UBQLN3: variants seen among roughly 807,000 people sequenced by gnomAD.
UBQLN3 encodes ubiquilin-3.
UBQLN3 carries 1 observed loss-of-function variant against 2.9 expected under a neutral mutation model. The observed-to-expected ratio is 0.35, with a 90% CI of 0.12 to 1.66. The LOEUF (loss-of-function observed/expected upper bound fraction) is 1.66. Among genes scored for constraint, UBQLN3 ranks in the 40% most tolerant of loss-of-function variants. UBQLN3 has a pLI of 0.35. For synonymous variants in UBQLN3, 358 were observed against 317.6 expected, an observed-to-expected ratio of 1.13 and a Z score of -1.35; for missense variants, 924 against 816.5, an observed-to-expected ratio of 1.13 and a Z score of -1.61.
At position 5,508,988 on chromosome 11, in the gene UBQLN3, C is replaced by A; in HGVS notation, c.571G>T (p.Val191Phe). The change falls in exon 2 of 2, where the codon GTT becomes TTT. Residue 191 changes from valine to phenylalanine, a missense_variant. Transcript: ENST00000311659. The surrounding 1 kb of genome is among the most constrained non-coding windows in gnomAD (Gnocchi z 4.2). ...TGCTGCATATGGGGGTTGTCAAGAA[C>A]CAGCTGGCGTACTAGGCCTGTGTTG... ...LSNTGLVRQL[V>F]LDNPHMQQLI... 6.2e-7 allele frequency: 1 copy of A among 1,614,118 alleles called. No individual in the cohort carries two copies. Among genetic ancestry groups the A allele is most frequent in the East Asian group, 2.2e-5 (1 of 44,878 alleles).
Position 5,508,003 on chromosome 11 carries a change from C to T in UBQLN3, c.1556G>A (p.Arg519His), listed in dbSNP as rs187757715. ...AATCTGCCGCAGGGCTTGCAGGGCA[C>T]GGGGGTTTGCCATGGCTGCCTGAAG... ...MHLQAAMANP[R>H]ALQALRQIEQ... The change falls in exon 2 of 2, where the codon CGT becomes CAT. Residue 519 changes from arginine to histidine, a missense_variant. Coordinates refer to ENST00000311659, the MANE Select transcript of UBQLN3 (RefSeq NM_017481.4). The surrounding 1 kb of genome is among the most constrained non-coding windows in gnomAD (Gnocchi z 4.2). 4.8e-5 allele frequency: 78 copies of T among 1,614,040 alleles called. No homozygotes were observed. The highest frequency in any genetic ancestry group is 1.9e-4 in the South Asian group (17 of 91,086).
In UBQLN3 at chr11:5,507,782, G is replaced by A. The variant is rs756923573; in HGVS notation, c.1777C>T (p.Pro593Ser). The part of the protein sequence containing the change: ...LDSAELGFLS[P>S]PFLHMLQDLV... Reference sequence around the variant, plus strand: ...TCTTGCAGCATATGGAGAAAGGGAGGGGAAAGGAAGCCCAGCTCTGCAGAG... The same window carrying A: ...TCTTGCAGCATATGGAGAAAGGGAGAGGAAAGGAAGCCCAGCTCTGCAGAG... Residue 593 changes from proline to serine, a missense_variant, in exon 2 of 2, where the codon CCT becomes TCT. Coordinates refer to ENST00000311659, the MANE Select transcript of UBQLN3 (RefSeq NM_017481.4). The A allele has an allele frequency of 1.2e-6, 2 of 1,614,052 alleles. No individual in the cohort carries two copies. The highest frequency in any genetic ancestry group is 8.5e-7 in the Non-Finnish European group (1 of 1,179,984).
chr11:5,509,600 G>C lies in UBQLN3; in HGVS notation c.-36-6C>G. The C allele has an allele frequency of 6.3e-7, 1 of 1,577,892 alleles. No individual in the cohort carries two copies. The highest frequency in any genetic ancestry group is 8.6e-7 in the Non-Finnish European group (1 of 1,165,088). ...CCAGATCTGTGGGGACACAGCTAGG[G>C]GCATGGGGATTGGAGACCAAGATCA... is the stretch of plus-strand genomic sequence containing the variant. On this transcript the variant is annotated splice_region_variant and splice_polypyrimidine_tract_variant and intron_variant, in intron 1 of 1. Coordinates refer to ENST00000311659, the MANE Select transcript of UBQLN3 (RefSeq NM_017481.4).
chr11:5,508,064 C>T lies in UBQLN3; in HGVS notation c.1495G>A (p.Asp499Asn). 1 of 1,614,064 alleles carries T rather than the reference C, an allele frequency of 6.2e-7. No homozygotes were observed. Residue 499 changes from aspartate (D) to asparagine (N), a missense_variant, in exon 2 of 2, where the codon GAT (aspartate) becomes AAT (asparagine). Asp to Asn is a conservative substitution (Grantham distance 23, BLOSUM62 1). Coordinates refer to ENST00000311659, the MANE Select transcript of UBQLN3 (RefSeq NM_017481.4). The surrounding 1 kb of genome is among the most constrained non-coding windows in gnomAD (Gnocchi z 4.2). ...DGMNPAPQLQ[D>N]EIQPQLPLLM... ...AGTGGCAGCTGTGGTTGTATCTCAT[C>T]CTGTAACTGTGGAGCTGGATTCATG...
rs749874104 is a variant in UBQLN3 at position 5,509,542 on chromosome 11, T to C, written c.17A>G (p.Glu6Gly). 6.2e-7 allele frequency: 1 copy of C among 1,613,404 alleles called. No homozygotes were observed. The highest frequency in any genetic ancestry group is 1.7e-5 in the Admixed American group (1 of 59,992). Residue 6 changes from glutamate (E) to glycine (G), a missense_variant, in exon 2 of 2, where the codon GAA (glutamate) becomes GGA (glycine). By Grantham distance (98) the Glu-to-Gly change is moderately conservative (BLOSUM62 -2). Transcript: ENST00000311659. MAKGG[E>G]ALPQGSPAPV... ...TGCTGGGCTGCCCTGTGGCAGGGCT[T>C]CTCCACCTTTGGCCATGGTGGCAGC...
chr11:5,509,866 G>T lies in UBQLN3; in HGVS notation c.-37+8C>A. Reference sequence around the variant, plus strand: ...GTAGAAGGAAGGGCCCAGCTGGGGTGTACATACCAGTCAGCTGTGGTCCCG... The same window carrying T: ...GTAGAAGGAAGGGCCCAGCTGGGGTTTACATACCAGTCAGCTGTGGTCCCG... On this transcript the variant is annotated splice_region_variant and intron_variant, in intron 1 of 1. Transcript: ENST00000311659. 1 of 324,754 alleles carries T rather than the reference G, an allele frequency of 3.1e-6. No homozygotes were observed. Among genetic ancestry groups the T allele is most frequent in the Non-Finnish European group, 5.7e-6 (1 of 175,910 alleles). The allele number at this position is 324,754 out of a possible 1,614,324, so 20.1% of individuals were successfully genotyped here.
Position 5,509,534 on chromosome 11 carries a change from G to A in UBQLN3, c.25C>T (p.Pro9Ser), listed in dbSNP as rs201741649. The change falls in exon 2 of 2, where the codon CCA becomes TCA. Residue 9 changes from proline (P) to serine (S), a missense_variant. Physicochemically the swap from Pro to Ser is moderately conservative, Grantham distance 74 (BLOSUM62 -1). Coordinates refer to ENST00000311659, the MANE Select transcript of UBQLN3 (RefSeq NM_017481.4). MAKGGEAL[P>S]QGSPAPVQDP... ...TGGACTGGTGCTGGGCTGCCCTGTG[G>A]CAGGGCTTCTCCACCTTTGGCCATG... is the stretch of plus-strand genomic sequence containing the variant. The A allele has an allele frequency of 1.9e-6, 3 of 1,613,768 alleles. No individual in the cohort carries two copies. Among genetic ancestry groups the A allele is most frequent in the Admixed American group, 1.7e-5 (1 of 60,014 alleles).
At chr11:5,509,647 G>A in intron 1 of UBQLN3, 53 bp from the exon 2 acceptor site, 1 of 1,498,960 alleles carries the variant, frequency 6.7e-7, no homozygotes. Context: ...AATGGCAAAA[G>A]TAGGAAGGGT....
rs1432127628 is a variant in UBQLN3, at chr11:5,508,407, T to C, written c.1152A>G (p.Ser384=). Residue 384 remains serine (S), a synonymous_variant, in exon 2 of 2, where the codon TCA becomes TCG. Transcript: ENST00000311659. The surrounding 1 kb of genome is among the most constrained non-coding windows in gnomAD (Gnocchi z 4.2). ...CTGACCCAGGCTCCTGAGATGAGGG[T>C]GACGATGGGGGAACTCTGTTTACTG... is the stretch of plus-strand genomic sequence containing the variant. ...PPSVNRVPPS[S]PSSQEPGSGQ... The C allele has an allele frequency of 6.2e-7, 1 of 1,600,640 alleles. No individual in the cohort carries two copies.
At position 5,507,684 on chromosome 11, in the gene UBQLN3, G is replaced by C. The variant is rs752272443; in HGVS notation, c.1875C>G (p.Ser625=). The C allele has an allele frequency of 1.2e-6, 2 of 1,614,126 alleles. No homozygotes were observed. The highest frequency in any genetic ancestry group is 4.5e-5 in the East Asian group (2 of 44,876). ...TGGCTTCACGATTCAGAAAGCCCATGGACCGCAGTTGCTCCAGCTGCACCT... is the reference window on the plus strand; with the variant it reads ...TGGCTTCACGATTCAGAAAGCCCATCGACCGCAGTTGCTCCAGCTGCACCT... ...HFQVQLEQLR[S]MGFLNREANL... is the part of the protein sequence containing the mutation. The change falls in exon 2 of 2, where the codon TCC becomes TCG. Residue 625 remains serine (S), a synonymous_variant. Transcript: ENST00000311659.
In UBQLN3 at chr11:5,508,052, G is replaced by A. The variant is rs750714107; in HGVS notation, c.1507C>T (p.Pro503Ser). 1.9e-6 allele frequency: 3 copies of A among 1,614,048 alleles called. No individual in the cohort carries two copies. The highest frequency in any genetic ancestry group is 2.2e-5 in the East Asian group (1 of 44,878). The change falls in exon 2 of 2, where the codon CCA (proline) becomes TCA (serine). Residue 503 changes from proline to serine, a missense_variant. Transcript: ENST00000311659. This position sits in a 1 kb window ranked among gnomAD's most constrained non-coding sequence, Gnocchi z 4.2. ...AGGTGCATCAGCAGTGGCAGCTGTG[G>A]TTGTATCTCATCCTGTAACTGTGGA... ...PAPQLQDEIQ[P>S]QLPLLMHLQA...
Position 5,508,224 on chromosome 11 carries a change from G to A in UBQLN3, c.1335C>T (p.Val445=). 6.2e-7 allele frequency: 1 copy of A among 1,614,216 alleles called. No individual in the cohort carries two copies. Among genetic ancestry groups the A allele is most frequent in the Non-Finnish European group, 8.5e-7 (1 of 1,180,032 alleles). ...TGTTGGCAGAATCTCCCAGCCCCGA[G>A]ACAAGATCAGGCAAGTTTGTGCTAT... ...TGHSTNLPDL[V]SGLGDSANRV... The change falls in exon 2 of 2, where the codon GTC becomes GTT. Residue 445 remains valine (V), a synonymous_variant. Transcript: ENST00000311659. This position sits in a 1 kb window ranked among gnomAD's most constrained non-coding sequence, Gnocchi z 4.2.
chr11:5,509,466 G>A lies in UBQLN3; in HGVS notation c.93C>T (p.Asp31=). The A allele has an allele frequency of 1.2e-6, 2 of 1,614,186 alleles. No homozygotes were observed. The highest frequency in any genetic ancestry group is 1.7e-6 in the Non-Finnish European group (2 of 1,180,016). The part of the protein sequence containing the change: ...LIKVTVKTPK[D]KEDFSVTDTC... ...TGTCTGTAACTGAGAAATCCTCCTT[G>A]TCTTTGGGCGTCTTCACTGTCACCT... Residue 31 remains aspartate, a synonymous_variant, in exon 2 of 2, where the codon GAC becomes GAT. Coordinates refer to ENST00000311659, the MANE Select transcript of UBQLN3 (RefSeq NM_017481.4).
chr11:5,509,621 G>A, intron 1 of UBQLN3, 27 bp from the exon 2 acceptor site: 3 of 1,543,912 alleles, frequency 1.9e-6, no homozygotes, highest in Non-Finnish European at 1.7e-6. Context: ...TGGAGACCAA[G>A]ATCATCCTTT....
rs1008223662 is a variant in UBQLN3 at position 5,508,092 on chromosome 11, A to G, written c.1467T>C (p.Asp489=). Residue 489 remains aspartate (D), a synonymous_variant, in exon 2 of 2, where the codon GAT becomes GAC. Transcript: ENST00000311659. This position sits in a 1 kb window ranked among gnomAD's most constrained non-coding sequence, Gnocchi z 4.2. The stretch of plus-strand genomic sequence containing the variant: ...GTAACTGTGGAGCTGGATTCATGCC[A>G]TCTGGCCTCAGAGATCTTGGATAAG... ...SPAYPRSLRP[D]GMNPAPQLQD... 6.2e-7 allele frequency: 1 copy of G among 1,614,150 alleles called. No homozygotes were observed. The highest frequency in any genetic ancestry group is 1.7e-5 in the Admixed American group (1 of 60,022).
At position 5,508,973 on chromosome 11, in the gene UBQLN3, G is replaced by A. The variant is rs1291813042; in HGVS notation, c.586C>T (p.His196Tyr). 3.7e-6 allele frequency: 6 copies of A among 1,614,066 alleles called. No individual in the cohort carries two copies. Among genetic ancestry groups the A allele is most frequent in the East Asian group, 2.2e-5 (1 of 44,892 alleles). Residue 196 changes from histidine to tyrosine, a missense_variant, in exon 2 of 2, where the codon CAT (histidine) becomes TAT (tyrosine). By Grantham distance (83) the His-to-Tyr change is moderately conservative (BLOSUM62 2). Transcript: ENST00000311659. This position sits in a 1 kb window ranked among gnomAD's most constrained non-coding sequence, Gnocchi z 4.2. ...TTGTGCTGGATCAGCTGCTGCATAT[G>A]GGGGTTGTCAAGAACCAGCTGGCGT... is the stretch of plus-strand genomic sequence containing the variant. ...LVRQLVLDNP[H>Y]MQQLIQHNPE...
chr11:5,509,174 G>T lies in UBQLN3; in HGVS notation c.385C>A (p.Pro129Thr). 1.2e-6 allele frequency: 2 copies of T among 1,613,918 alleles called. No individual in the cohort carries two copies. The highest frequency in any genetic ancestry group is 1.7e-6 in the Non-Finnish European group (2 of 1,179,846). The change falls in exon 2 of 2, where the codon CCC (proline) becomes ACC (threonine). Residue 129 changes from proline to threonine, a missense_variant. Coordinates refer to ENST00000311659, the MANE Select transcript of UBQLN3 (RefSeq NM_017481.4). Reference protein sequence around the residue: ...QPSSIYPADGPPAFSLGLLTG... With the variant: ...QPSSIYPADGTPAFSLGLLTG... ...AGGAGACCTAAGCTAAAGGCAGGGG[G>T]CCCATCTGCTGGGTAAATGGAGCTT...
chr11:5,507,991 G>A lies in UBQLN3; in HGVS notation c.1568C>T (p.Ala523Val). Residue 523 changes from alanine to valine, a missense_variant, in exon 2 of 2, where the codon GCC becomes GTC. Transcript: ENST00000311659. ...TAGACCCTGCTCAATCTGCCGCAGG[G>A]CTTGCAGGGCACGGGGGTTTGCCAT... Reference protein sequence around the residue: ...AAMANPRALQALRQIEQGLQV... With the variant: ...AAMANPRALQVLRQIEQGLQV... 1 of 1,614,060 alleles carries A rather than the reference G, an allele frequency of 6.2e-7. No individual in the cohort carries two copies. The highest frequency in any genetic ancestry group is 1.1e-5 in the South Asian group (1 of 91,088).
rs764014352 is a variant in UBQLN3, at chr11:5,509,375, C to A, written c.184G>T (p.Val62Phe). 3 of 1,614,022 alleles carry A rather than the reference C, an allele frequency of 1.9e-6. No individual in the cohort carries two copies. Among genetic ancestry groups the A allele is most frequent in the African/African-American group, 2.7e-5 (2 of 74,950 alleles). The change falls in exon 2 of 2, where the codon GTT (valine) becomes TTT (phenylalanine). Residue 62 changes from valine (V) to phenylalanine (F), a missense_variant. By Grantham distance (50) the Val-to-Phe change is conservative. Coordinates refer to ENST00000311659, the MANE Select transcript of UBQLN3 (RefSeq NM_017481.4). ...QRFKAHPDQL[V>F]LIFAGKILKD... The stretch of plus-strand genomic sequence containing the variant: ...AGGATTTTGCCAGCAAAGATTAGAA[C>A]AAGCTGATCGGGGTGGGCCTTAAAG...
Sources: allele counts gnomAD v4.1 joint callset, GRCh38; gene constraint gnomAD v4.1.1; non-coding constraint Gnocchi (gnomAD v3.1); transcripts MANE v1.5; gene names NCBI Gene and HGNC (gene_info 2026-07-23, HGNC 2026-07-21).